Variants in GAREM1 observed in about 807,000 individuals in gnomAD.
The protein encoded by GAREM1 is GRB2-associated and regulator of MAPK protein 1.
GAREM1 carries 26 observed loss-of-function variants against 71.3 expected under a neutral mutation model. That is an observed-to-expected ratio of 0.36 (90% confidence interval 0.27 to 0.51). The LOEUF (loss-of-function observed/expected upper bound fraction) is 0.51, where lower values mean the gene tolerates loss of function less well. GAREM1 is among the 20% of genes least tolerant of loss of function. The probability of loss-of-function intolerance (pLI) is 0.95; values close to 1 mark genes in which losing one functional copy is unlikely to be tolerated. For missense variants in GAREM1, 1,026 were observed against 1,103.1 expected (o/e 0.93, Z 0.99); for synonymous variants, 440 against 433.2 (o/e 1.02, Z -0.20).
In GAREM1 at chr18:32,376,604, G is replaced by C. The variant is rs143850293; in HGVS notation, c.262+16291C>G. Among the ~76,000 whole-genome samples the C allele has an allele frequency of 8.5e-3, 1,299 of 152,282 alleles. 18 individuals are homozygous for C. The highest frequency in any genetic ancestry group is 9.1e-3 in the Non-Finnish European group (620 of 68,022). On this transcript the variant is annotated intron_variant, in intron 2 of 5. Transcript: ENST00000269209. ...TGTAATCCCAGCACTTTGGGAGGCC[G>C]AGGCTGGTGGATCACCTGAGGTCAG...
chr18:32,269,058 AATT>A (rs2041418445), intron 5 of GAREM1, among the ~76,000 whole-genome samples: 1 of 152,182 alleles, frequency 6.6e-6, no homozygotes, highest in Non-Finnish European at 1.5e-5. Flanking sequence ...TGATGAGGAA[AATT>A]ATTAAGTCAC....
intron 1 of GAREM1, among the ~76,000 whole-genome samples, chr18:32,416,969 T>C (rs1034134439): frequency 6.6e-6 from 1 of 152,142 alleles, no homozygotes; most frequent in African/African-American, 2.4e-5. Context: ...AAACTCCTCA[T>C]CTGACAAGGG....
At chr18:32,345,734 A>G (rs533626369) in intron 2 of GAREM1, among the ~76,000 whole-genome samples, 1 of 152,338 alleles carries the variant, frequency 6.6e-6, no homozygotes, top group South Asian at 2.1e-4. Flanking sequence ...CATTGGGGCA[A>G]CTTGACCTGG....
chr18:32,391,495 T>G (rs10502596), intron 2 of GAREM1, among the ~76,000 whole-genome samples: 1 of 152,210 alleles, frequency 6.6e-6, no homozygotes, highest in East Asian at 1.9e-4. Flanking sequence ...TCCTCATAGA[T>G]GAATACAGCA....
Position 32,364,376 on chromosome 18 carries a change from CCT to C in GAREM1, c.262+28517_262+28518del, listed in dbSNP as rs547492094. Among the ~76,000 whole-genome samples the C allele has an allele frequency of 2.2e-4, 34 of 151,954 alleles. No homozygotes were observed. The South Asian group carries it at 2.5e-3, about 11-fold the overall frequency. ...TATCTTACCTCCAAAAGTATTTACC[CCT>C]GTCTTCACCGCTCCGCCCCTACCCA... On this transcript the variant is annotated intron_variant, in intron 2 of 5. Coordinates refer to ENST00000269209, the MANE Select transcript of GAREM1 (RefSeq NM_001242409.2).
intron 1 of GAREM1, among the ~76,000 whole-genome samples, chr18:32,466,157 G>T (rs1007311549): frequency 5.3e-5 from 8 of 151,036 alleles, no homozygotes; most frequent in Non-Finnish European, 1.2e-4. Context: ...CGAAATACTA[G>T]ATTTCAATCT....
intron 2 of GAREM1, among the ~76,000 whole-genome samples, chr18:32,380,432 C>A (rs1240805724): frequency 1.4e-5 from 2 of 141,502 alleles, no homozygotes; most frequent in Admixed American, 1.5e-4. Context: ...GCCAAAATTG[C>A]ACCACTGCAC....
chr18:32,317,393 CAAAAA>C (rs35166372), intron 2 of GAREM1, among the ~76,000 whole-genome samples: 2 of 72,590 alleles, frequency 2.8e-5, no homozygotes, highest in African/African-American at 4.7e-5. Context: ...CGCTCTGTCA[CAAAAA>C]AAAAAAAAAA....
intron 1 of GAREM1, among the ~76,000 whole-genome samples, chr18:32,463,909 C>A: frequency 6.7e-6 from 1 of 149,946 alleles, no homozygotes; most frequent in East Asian, 2.0e-4. Flanking sequence ...CTAGGCACTT[C>A]TTTCCTGCTA....
At chr18:32,464,430 G>C (rs1568021808) in intron 1 of GAREM1, among the ~76,000 whole-genome samples, 1 of 152,202 alleles carries the variant, frequency 6.6e-6, no homozygotes, top group Non-Finnish European at 1.5e-5. Flanking sequence ...GAGGCCAGAG[G>C]ATCATCTGAG....
intron 1 of GAREM1, among the ~76,000 whole-genome samples, chr18:32,467,359 T>C (rs936879314): frequency 6.6e-6 from 1 of 152,206 alleles, no homozygotes; most frequent in African/African-American, 2.4e-5. Context: ...TCAGAACAAC[T>C]TCAACCCTTC....
At chr18:32,398,144 C>T (rs539529579) in intron 1 of GAREM1, among the ~76,000 whole-genome samples, 4 of 152,292 alleles carry the variant, frequency 2.6e-5, no homozygotes, top group South Asian at 2.1e-4. Context: ...ATACCAGAAT[C>T]TCTGGGACAC....
chr18:32,274,763 C>G (rs1317488752), intron 4 of GAREM1, among the ~76,000 whole-genome samples: 2 of 152,082 alleles, frequency 1.3e-5, no homozygotes, highest in East Asian at 3.9e-4. Flanking sequence ...TGGGCCAGCC[C>G]CACACATTAC....
intron 4 of GAREM1, among the ~76,000 whole-genome samples, chr18:32,280,365 T>A (rs2041596896): frequency 6.6e-6 from 1 of 152,164 alleles, no homozygotes; most frequent in East Asian, 1.9e-4. Flanking sequence ...AGTAATGAGA[T>A]CTGGCAGCAC....
At chr18:32,458,010 G>A (rs1361256660) in intron 1 of GAREM1, among the ~76,000 whole-genome samples, 1 of 152,046 alleles carries the variant, frequency 6.6e-6, no homozygotes, top group Admixed American at 6.6e-5. Flanking sequence ...TTCTCCCCAT[G>A]TCTGGAAGTG....
chr18:32,392,547 C>CA (rs2048213222), intron 2 of GAREM1, among the ~76,000 whole-genome samples: 1 of 152,146 alleles, frequency 6.6e-6, no homozygotes. Context: ...AAGTCATTCA[C>CA]AAAAGCAATG....
intron 3 of GAREM1, among the ~76,000 whole-genome samples, chr18:32,288,512 T>C (rs949400312): frequency 6.6e-6 from 1 of 151,950 alleles, no homozygotes; most frequent in African/African-American, 2.4e-5. Context: ...TTTTCATGAA[T>C]GCTGATGTAG....
In GAREM1 at chr18:32,268,640, G is replaced by C. The variant is rs1343290575; in HGVS notation, c.1862C>G (p.Ser621Cys). 1.2e-6 allele frequency: 2 copies of C among 1,614,042 alleles called. No homozygotes were observed. The highest frequency in any genetic ancestry group is 1.3e-5 in the African/African-American group (1 of 74,918). The change falls in exon 6 of 6, where the codon TCC becomes TGC. Residue 621 changes from serine to cysteine, a missense_variant. Physicochemically the swap from Ser to Cys is moderately radical, Grantham distance 112. Around this residue, in one of 3 missense-constraint regions of GAREM1, gnomAD observed 636 missense variants for 631.2 expected, o/e 1.01. Transcript: ENST00000269209. Reference sequence around the variant, plus strand: ...ATGGTTAGGCCATGAGAGCCGAGAGGACACAGCTTCAGCAGAAGGACTTCC... The same window carrying C: ...ATGGTTAGGCCATGAGAGCCGAGAGCACACAGCTTCAGCAGAAGGACTTCC... Reference protein sequence around the residue: ...PFGSPSAEAVSSRLSWPNHYS... With the variant: ...PFGSPSAEAVCSRLSWPNHYS...
chr18:32,340,620 T>G (rs2144573797), intron 2 of GAREM1, among the ~76,000 whole-genome samples: 1 of 152,304 alleles, frequency 6.6e-6, no homozygotes, highest in East Asian at 1.9e-4. Context: ...CTCTTAAAAT[T>G]TTTAAGGGGC....
Sources: allele counts gnomAD v4.1 joint callset (sites outside exome capture counted in the v4.1 genomes callset), GRCh38; gene constraint gnomAD v4.1.1; regional missense constraint gnomAD v4.1.1; transcripts MANE v1.5; gene names NCBI Gene and HGNC (gene_info 2026-07-23, HGNC 2026-07-21).